Variants in PKP3 observed in about 807,000 individuals in gnomAD.
PKP3 encodes the protein plakophilin 3, also known as plakophilin-3.
In PKP3, 66 loss-of-function variants were observed where a neutral mutation model predicts 76.5. The observed-to-expected ratio is 0.86, with a 90% CI of 0.71 to 1.06. The LOEUF is 1.06. PKP3 is among the 50% of genes least tolerant of loss of function. The probability of loss-of-function intolerance (pLI) is 0.00; values close to 1 mark genes in which losing one functional copy is unlikely to be tolerated. For missense variants in PKP3, 1,338 were observed against 1,141.0 expected (o/e 1.17, Z -2.49); for synonymous variants, 638 against 516.5 (o/e 1.24, Z -3.19).
At chr11:400,308 G>A (rs748542636) in intron 6 of PKP3, 26 bp from the exon 7 acceptor site, 6 of 1,524,850 alleles carry the variant, frequency 3.9e-6, no homozygotes, top group Non-Finnish European at 4.4e-6. Flanking sequence ...GGTCCCTGGG[G>A]GGCTCTGATC....
chr11:399,293 C>T (rs1847108512), intron 5 of PKP3, 97 bp downstream of exon 5: 5 of 508,454 alleles, frequency 9.8e-6, no homozygotes, highest in Non-Finnish European at 1.3e-5. Context: ...TCCACCTGCC[C>T]ACCATCTGCC....
chr11:404,766 G>A lies in PKP3; in HGVS notation c.*197G>A. Reference sequence around the variant, plus strand: ...TATAGCTGGGGACTTGGCTTCCGCAGGGCAGGGGGTGGGGCAGGGCTCAAG... The same window carrying A: ...TATAGCTGGGGACTTGGCTTCCGCAAGGCAGGGGGTGGGGCAGGGCTCAAG... On this transcript the variant is annotated 3_prime_UTR_variant, in exon 13 of 13. Transcript: ENST00000331563. The surrounding 1 kb of genome is among the most constrained non-coding windows in gnomAD (Gnocchi z 4.2). The A allele has an allele frequency of 3.3e-6, 2 of 599,300 alleles. No individual in the cohort carries two copies. Among genetic ancestry groups the A allele is most frequent in the South Asian group, 3.9e-5 (2 of 50,940 alleles). The allele number at this position is 599,300 out of a possible 1,614,324, so 37.1% of individuals were successfully genotyped here. A position where few individuals can be genotyped will look rare whatever the true frequency, so the allele number is the denominator to read the frequency against.
In PKP3 at chr11:400,765, C is replaced by T. The variant is rs1487837653; in HGVS notation, c.1737+60C>T. ...GCTGCGACCCCGGCCCCGCTGACCC[C>T]GGCCCCGCTCACCCCCGCCCCGCTC... On this transcript the variant is annotated intron_variant, in intron 8 of 12. Coordinates refer to ENST00000331563, the MANE Select transcript of PKP3 (RefSeq NM_007183.4). The T allele has an allele frequency of 1.9e-5, 19 of 1,003,856 alleles. No individual in the cohort carries two copies. The African/African-American group carries it at 1.9e-4, about 10-fold the overall frequency. The allele number at this position is 1,003,856 out of a possible 1,614,324, so 62.2% of individuals were successfully genotyped here.
chr11:395,220 C>T (rs571040503), intron 1 of PKP3, among the ~76,000 whole-genome samples: 9 of 152,318 alleles, frequency 5.9e-5, no homozygotes, highest in East Asian at 5.8e-4. Flanking sequence ...GTTCTAGGAA[C>T]GCCATTTCCT....
At chr11:403,413 C>A (rs1847191866) in intron 9 of PKP3, 150 bp downstream of exon 9, 2 of 845,864 alleles carry the variant, frequency 2.4e-6, no homozygotes. Flanking sequence ...GGCCTTGGGC[C>A]TTGGGAGGAT....
In PKP3 at chr11:394,224, A is replaced by G. The variant is rs1847012077; in HGVS notation, c.-69A>G. ...CGGGGACTTCAGGGAGAGGGCCTCG[A>G]GGGACAGGACGTGAAGATAGTTGGG... is the stretch of plus-strand genomic sequence containing the variant. On this transcript the variant is annotated 5_prime_UTR_variant, in exon 1 of 13. Coordinates refer to ENST00000331563, the MANE Select transcript of PKP3 (RefSeq NM_007183.4). The G allele has an allele frequency of 2.8e-6, 4 of 1,411,570 alleles. No homozygotes were observed. In the South Asian group the frequency reaches 5.9e-5, roughly 21 times the overall value. 87.4% of individuals were successfully genotyped at this position (1,411,570 alleles called of 1,614,324 possible). A position where few individuals can be genotyped will look rare whatever the true frequency, so the allele number is the denominator to read the frequency against.
rs747647764 is a variant in PKP3, at chr11:399,133, G to C, written c.1210G>C (p.Gly404Arg). ...CAAGCTGGCCCTGGTGGAGGAGAAC[G>C]GGATCTTCGAGCTGCTGCGGACACT... Reference protein sequence around the residue: ...DNKLALVEENGIFELLRTLRE... With the variant: ...DNKLALVEENRIFELLRTLRE... The change falls in exon 5 of 13, where the codon GGG (glycine) becomes CGG (arginine). Residue 404 changes from glycine (G) to arginine (R), a missense_variant. Physicochemically the swap from Gly to Arg is moderately radical, Grantham distance 125. Coordinates refer to ENST00000331563, the MANE Select transcript of PKP3 (RefSeq NM_007183.4). 3.7e-6 allele frequency: 6 copies of C among 1,611,872 alleles called. No homozygotes were observed. The highest frequency in any genetic ancestry group is 1.1e-5 in the South Asian group (1 of 91,060).
Position 404,859 on chromosome 11 carries a change from A to T in PKP3, c.*290A>T. 2.0e-6 allele frequency: 1 copy of T among 494,640 alleles called. No individual in the cohort carries two copies. The highest frequency in any genetic ancestry group is 3.7e-6 in the Non-Finnish European group (1 of 270,646). The allele number at this position is 494,640 out of a possible 1,614,324, so 30.6% of individuals were successfully genotyped here. A position where few individuals can be genotyped will look rare whatever the true frequency, so the allele number is the denominator to read the frequency against. The stretch of plus-strand genomic sequence containing the variant: ...AGGTGGGGGTTGGCTGTGGCCTGGC[A>T]GTATCTTGGGATAGCCAGCACTGGG... On this transcript the variant is annotated 3_prime_UTR_variant, in exon 13 of 13. Coordinates refer to ENST00000331563, the MANE Select transcript of PKP3 (RefSeq NM_007183.4). This position sits in a 1 kb window ranked among gnomAD's most constrained non-coding sequence, Gnocchi z 4.2.
In PKP3 at chr11:397,676, C is replaced by T. The variant is rs759112934; in HGVS notation, c.1068+14C>T. ...GCCAAGAAGCAGGTGACCACCCCGA[C>T]CACCCACTCGCTGCCCCCTGGTGAC... On this transcript the variant is annotated intron_variant, in intron 4 of 12. Transcript: ENST00000331563. 1.2e-6 allele frequency: 2 copies of T among 1,607,614 alleles called. No individual in the cohort carries two copies. Among genetic ancestry groups the T allele is most frequent in the South Asian group, 2.2e-5 (2 of 90,614 alleles).
At chr11:394,670 C>A (rs1028788756) in intron 1 of PKP3, 146 bp downstream of exon 1, 1 of 656,046 alleles carries the variant, frequency 1.5e-6, no homozygotes, top group Non-Finnish European at 2.3e-6. Flanking sequence ...GCCCCAGGGG[C>A]GTGGGGAGAA....
At position 399,059 on chromosome 11, in the gene PKP3, G is replaced by A. The variant is rs145982275; in HGVS notation, c.1136G>A (p.Arg379His). 36 of 1,610,664 alleles carry A rather than the reference G, an allele frequency of 2.2e-5. No individual in the cohort carries two copies. Among genetic ancestry groups the A allele is most frequent in the Middle Eastern group, 1.7e-4 (1 of 6,044 alleles). ...AACCACGCCAACCAGGAAGTGCAGC[G>A]CCATGCCACAGGTGCCATGCGCAAC... ...LFNHANQEVQ[R>H]HATGAMRNLI... Residue 379 changes from arginine to histidine, a missense_variant, in exon 5 of 13, where the codon CGC becomes CAC. Transcript: ENST00000331563.
chr11:398,073 G>A (rs1169334758), intron 4 of PKP3, among the ~76,000 whole-genome samples: 9 of 51,500 alleles, frequency 1.7e-4, no homozygotes, highest in Admixed American at 2.8e-4. Flanking sequence ...CCGTACCCCC[G>A]CACACACCTC....
At chr11:397,467 A>G in intron 3 of PKP3, 22 bp downstream of exon 3, 13 of 1,611,866 alleles carry the variant, frequency 8.1e-6, no homozygotes, top group Non-Finnish European at 1.1e-5. Flanking sequence ...GGCCCGGCTC[A>G]GGGAGGGGGC....
upstream of PKP3, among the ~76,000 whole-genome samples, chr11:393,950 C>T (rs1052475773): frequency 4.6e-5 from 7 of 152,244 alleles, no homozygotes; most frequent in Admixed American, 3.3e-4. Context: ...ACAAAGGGCC[C>T]GGTCTGGCCT....
intron 9 of PKP3, 94 bp from the exon 10 acceptor site, chr11:403,524 T>A: frequency 7.9e-7 from 1 of 1,261,794 alleles, no homozygotes; most frequent in East Asian, 2.3e-5. Flanking sequence ...CCCCTGAGGG[T>A]GGCGAGAGGA....
chr11:400,115 C>T lies in PKP3; in HGVS notation c.1422C>T (p.Ile474=). ...LIQQNASEAE[I]FYNATGFLRN... is the part of the protein sequence containing the mutation. ...AGCAGAACGCCTCGGAGGCAGAGATCTTCTACAACGCCACCGGCTTCCTCA... is the reference window on the plus strand; with the variant it reads ...AGCAGAACGCCTCGGAGGCAGAGATTTTCTACAACGCCACCGGCTTCCTCA... Residue 474 remains isoleucine (I), a synonymous_variant, in exon 6 of 13, where the codon ATC becomes ATT. Transcript: ENST00000331563. The T allele has an allele frequency of 6.4e-7, 1 of 1,571,790 alleles. No homozygotes were observed.
chr11:400,301 C>A lies in PKP3; in HGVS notation c.1449-33C>A, dbSNP rs769198319. The A allele has an allele frequency of 5.3e-6, 8 of 1,508,516 alleles. No homozygotes were observed. The South Asian group carries it at 8.5e-5, about 16-fold the overall frequency. 93.4% of individuals were successfully genotyped at this position (1,508,516 alleles called of 1,614,324 possible). ...TGGGGCAAGGCCCGGGATGCGGGGT[C>A]CCTGGGGGGCTCTGATCCACCTCGG... is the stretch of plus-strand genomic sequence containing the variant. On this transcript the variant is annotated intron_variant, in intron 6 of 12. Transcript: ENST00000331563.
chr11:396,926 C>T lies in PKP3; in HGVS notation c.425C>T (p.Ala142Val), dbSNP rs1385850975. ...RLSSAHNGGS[A>V]FGAAGYGGAQ... ...AGTTCAGCCCACAACGGGGGCAGCG[C>T]CTTTGGGGCCGCTGGGTACGGGGGT... The change falls in exon 3 of 13, where the codon GCC becomes GTC. Residue 142 changes from alanine to valine, a missense_variant. Ala to Val is a moderately conservative substitution (Grantham distance 64). Coordinates refer to ENST00000331563, the MANE Select transcript of PKP3 (RefSeq NM_007183.4). The T allele has an allele frequency of 2.5e-6, 4 of 1,595,780 alleles. No homozygotes were observed. The highest frequency in any genetic ancestry group is 2.6e-6 in the Non-Finnish European group (3 of 1,175,118).
At position 396,706 on chromosome 11, in the gene PKP3, C is replaced by T. The variant is rs1847049966; in HGVS notation, c.312+19C>T. The T allele has an allele frequency of 6.2e-7, 1 of 1,601,094 alleles. No homozygotes were observed. Among genetic ancestry groups the T allele is most frequent in the Non-Finnish European group, 8.5e-7 (1 of 1,173,074 alleles). On this transcript the variant is annotated intron_variant, in intron 2 of 12. Coordinates refer to ENST00000331563, the MANE Select transcript of PKP3 (RefSeq NM_007183.4). The stretch of plus-strand genomic sequence containing the variant: ...GACCTCGGTGAGCGATGGGCCCAGC[C>T]CGAGGGGGACGATCTGAGCTCTGCA...
Sources: allele counts gnomAD v4.1 joint callset (sites outside exome capture counted in the v4.1 genomes callset), GRCh38; gene constraint gnomAD v4.1.1; non-coding constraint Gnocchi (gnomAD v3.1); transcripts MANE v1.5; gene names NCBI Gene and HGNC (gene_info 2026-07-23, HGNC 2026-07-21).